Variants in IMMP1L observed in about 807,000 individuals in gnomAD.
IMMP1L encodes mitochondrial inner membrane protease subunit 1.
In IMMP1L, 24 loss-of-function variants were observed where a neutral mutation model predicts 21.8. The ratio of observed to expected loss-of-function variants is 1.10; its 90% confidence interval spans 0.80 to 1.55. IMMP1L has a LOEUF of 1.55. Among genes scored for constraint, IMMP1L ranks in the 40% most tolerant of loss-of-function variants. IMMP1L has a pLI of 0.00. For synonymous variants in IMMP1L, 46 were observed against 62.8 expected (o/e 0.73, Z 1.26); for missense variants, 195 against 200.7 (o/e 0.97, Z 0.17).
At chr11:31,454,972 T>C (rs1010999909) in intron 4 of IMMP1L, among the ~76,000 whole-genome samples, 6 of 152,186 alleles carry the variant, frequency 3.9e-5, no homozygotes, top group Admixed American at 3.3e-4. Context: ...TCAACCCTTT[T>C]TAAGAAGAGG....
chr11:31,497,216 G>A (rs1363975979), intron 1 of IMMP1L, among the ~76,000 whole-genome samples: 1 of 151,428 alleles, frequency 6.6e-6, no homozygotes, highest in African/African-American at 2.4e-5. Context: ...AAGAGCATCT[G>A]CAATAGATTA....
intron 1 of IMMP1L, among the ~76,000 whole-genome samples, chr11:31,504,149 G>A (rs1955712135): frequency 6.6e-6 from 1 of 152,072 alleles, no homozygotes; most frequent in African/African-American, 2.4e-5. Flanking sequence ...AAAACATGGA[G>A]ATCATCTTCG....
At chr11:31,478,926 T>G (rs1288894033) in intron 1 of IMMP1L, among the ~76,000 whole-genome samples, 1 of 152,060 alleles carries the variant, frequency 6.6e-6, no homozygotes, top group East Asian at 1.9e-4. Context: ...AAATCTCTCC[T>G]CACATTTAAA....
intron 1 of IMMP1L, among the ~76,000 whole-genome samples, chr11:31,472,525 G>T (rs1471941670): frequency 1.3e-5 from 2 of 152,046 alleles, no homozygotes; most frequent in African/African-American, 2.4e-5. Flanking sequence ...TGTACCATGT[G>T]TGCTGTGAAA....
intron 1 of IMMP1L, among the ~76,000 whole-genome samples, chr11:31,464,141 T>C (rs897341746): frequency 1.3e-5 from 2 of 152,060 alleles, no homozygotes; most frequent in African/African-American, 2.4e-5. Flanking sequence ...GATAATAATA[T>C]GTAACATCTG....
In IMMP1L at chr11:31,464,573, A is replaced by G. The variant is rs565568872; in HGVS notation, c.-29-1268T>C. Among the ~76,000 whole-genome samples the G allele has an allele frequency of 2.0e-5, 3 of 152,328 alleles. No homozygotes were observed. The South Asian group carries it at 6.2e-4, about 32-fold the overall frequency. On this transcript the variant is annotated intron_variant, in intron 1 of 5. Coordinates refer to ENST00000532287, the MANE Select transcript of IMMP1L (RefSeq NM_001304274.2). ...AGCAAACCAAACCCAACAACGCATT[A>G]AAGAGATAATATACCACGATCAGAT...
intron 1 of IMMP1L, chr11:31,469,671 A>C (rs1184203345): frequency 6.6e-6 from 1 of 152,234 alleles, no homozygotes; most frequent in African/African-American, 2.4e-5. Flanking sequence ...TATTTTGAAG[A>C]AATATTGGTA....
At chr11:31,479,960 G>A (rs558983344) in intron 1 of IMMP1L, among the ~76,000 whole-genome samples, 2 of 152,100 alleles carry the variant, frequency 1.3e-5, no homozygotes, top group South Asian at 4.2e-4. Context: ...GGATGGTGGT[G>A]AAAGAAGACC....
At chr11:31,443,793 C>G (rs1953420751) in intron 4 of IMMP1L, among the ~76,000 whole-genome samples, 1 of 152,158 alleles carries the variant, frequency 6.6e-6, no homozygotes, top group South Asian at 2.1e-4. Context: ...AATGGTGCCA[C>G]CTTACATTCA....
At chr11:31,468,641 T>A (rs1279923104) in intron 1 of IMMP1L, among the ~76,000 whole-genome samples, 1 of 152,172 alleles carries the variant, frequency 6.6e-6, no homozygotes, top group Non-Finnish European at 1.5e-5. Context: ...GCCCTGGGAA[T>A]ACAATAGTGA....
At chr11:31,471,555 A>T (rs969029532) in intron 1 of IMMP1L, among the ~76,000 whole-genome samples, 1 of 152,240 alleles carries the variant, frequency 6.6e-6, no homozygotes, top group Non-Finnish European at 1.5e-5. Flanking sequence ...GAATGGGATC[A>T]AACAAAGGCC....
intron 4 of IMMP1L, among the ~76,000 whole-genome samples, chr11:31,447,769 C>T (rs545971023): frequency 6.6e-6 from 1 of 152,262 alleles, no homozygotes; most frequent in Admixed American, 6.5e-5. Context: ...ACATCTTTAG[C>T]CATTTTATAA....
chr11:31,499,812 C>T (rs555868727), intron 1 of IMMP1L, among the ~76,000 whole-genome samples: 1 of 151,950 alleles, frequency 6.6e-6, no homozygotes, highest in Non-Finnish European at 1.5e-5. Context: ...ACCATCTGGT[C>T]CCAGAAAATG....
chr11:31,458,068 C>T (rs1247879621), intron 3 of IMMP1L, among the ~76,000 whole-genome samples: 1 of 152,064 alleles, frequency 6.6e-6, no homozygotes, highest in Non-Finnish European at 1.5e-5. Context: ...TCTAATGAAG[C>T]TTAAGTTCTT....
chr11:31,467,613 T>C (rs1422494048), intron 1 of IMMP1L, among the ~76,000 whole-genome samples: 2 of 152,054 alleles, frequency 1.3e-5, no homozygotes, highest in East Asian at 3.8e-4. Flanking sequence ...GTGTTGGGAA[T>C]AGGGAAAGTT....
chr11:31,446,603 A>G (rs974441283), intron 4 of IMMP1L, among the ~76,000 whole-genome samples: 1 of 152,044 alleles, frequency 6.6e-6, no homozygotes, highest in Non-Finnish European at 1.5e-5. Flanking sequence ...CCCTCCTACT[A>G]CATGTGCCAT....
At chr11:31,450,400 A>G (rs1364734281) in intron 4 of IMMP1L, among the ~76,000 whole-genome samples, 1 of 129,280 alleles carries the variant, frequency 7.7e-6, no homozygotes, top group Non-Finnish European at 1.5e-5. Flanking sequence ...ATACTTTAGG[A>G]GACTTAATCT....
rs1309910833 is a variant in IMMP1L at position 31,509,597 on chromosome 11, C to A, written c.-108G>T. 7 of 636,594 alleles carry A rather than the reference C, an allele frequency of 1.1e-5. No homozygotes were observed. Among genetic ancestry groups the A allele is most frequent in the African/African-American group, 3.7e-5 (2 of 54,652 alleles). The allele number at this position is 636,594 out of a possible 1,614,324, so 39.4% of individuals were successfully genotyped here. ...CTCACCTGGGCCCCGCCGAAGTCGA[C>A]CGTCCTTTCGTAGGGCGCACTTTTC... On this transcript the variant is annotated 5_prime_UTR_variant, in exon 1 of 6. Coordinates refer to ENST00000532287, the MANE Select transcript of IMMP1L (RefSeq NM_001304274.2).
At chr11:31,469,750 A>G (rs1234892284) in intron 1 of IMMP1L, 1 of 152,242 alleles carries the variant, frequency 6.6e-6, no homozygotes, top group Non-Finnish European at 1.5e-5. Flanking sequence ...CATGAACAGG[A>G]TACACACAAA....
Sources: allele counts gnomAD v4.1 joint callset (sites outside exome capture counted in the v4.1 genomes callset), GRCh38; gene constraint gnomAD v4.1.1; transcripts MANE v1.5; gene names NCBI Gene and HGNC (gene_info 2026-07-23, HGNC 2026-07-21).